Variants in INSL6 observed in about 807,000 individuals in gnomAD.
INSL6 encodes the protein insulin like 6.
In INSL6, 16 loss-of-function variants were observed where a neutral mutation model predicts 9.4. That is an observed-to-expected ratio of 1.70 (90% CI 1.15 to 2.59). INSL6 has a LOEUF of 2.59. Ranked by LOEUF, INSL6 falls within the 30% of genes most tolerant of loss-of-function variation. INSL6 has a pLI of 0.00. For synonymous variants in INSL6, 154 were observed against 96.9 expected, an observed-to-expected ratio of 1.59 and a Z score of -3.46; for missense variants, 391 against 257.3, an observed-to-expected ratio of 1.52 and a Z score of -3.56.
Position 5,185,502 on chromosome 9 carries a change from C to A in INSL6, c.101G>T (p.Gly34Val), listed in dbSNP as rs749377607. Residue 34 changes from glycine to valine, a missense_variant, in exon 1 of 2, where the codon GGC (glycine) becomes GTC (valine). Transcript: ENST00000381641. ...TTCTATTTCTTTCACCAAGTACCTG[C>A]CGCACAGCTTCCTGGCACTGCTGAT... ...SDISSARKLC[G>V]RYLVKEIEKL... The A allele has an allele frequency of 8.7e-6, 14 of 1,614,102 alleles. No individual in the cohort carries two copies. The highest frequency in any genetic ancestry group is 1.7e-5 in the Admixed American group (1 of 60,012).
At chr9:5,024,489 C>G in the INSL6 span, among the ~76,000 whole-genome samples, 2 of 152,002 alleles carry the variant, frequency 1.3e-5, no homozygotes, top group African/African-American at 4.8e-5. Context: ...CCTGCTTGTG[C>G]TGACTCTAAA....
At chr9:5,036,652 T>C in the INSL6 span, among the ~76,000 whole-genome samples, 1 of 152,228 alleles carries the variant, frequency 6.6e-6, no homozygotes, top group Non-Finnish European at 1.5e-5. Flanking sequence ...GAAAACTGGC[T>C]AGCCATGTGT....
At chr9:5,005,456 T>A in the INSL6 span, among the ~76,000 whole-genome samples, 2 of 152,200 alleles carry the variant, frequency 1.3e-5, no homozygotes, top group South Asian at 4.1e-4. Context: ...TACAAGTTTT[T>A]AAATCTGGTA....
At chr9:5,035,324 T>C in the INSL6 span, among the ~76,000 whole-genome samples, 48 of 152,294 alleles carry the variant, frequency 3.2e-4, 2 homozygotes, top group South Asian at 3.3e-3. Flanking sequence ...GCTGGTACCA[T>C]TCCTTCTGAA....
rs150727447 is a variant in INSL6 at position 5,144,988 on chromosome 9, G to C, written c.377-11396C>G. On this transcript the variant is annotated intron_variant, in intron 2 of 3. Transcript: ENST00000649639. ...TTTAAAGTTAGTATTGTTATGTGTG[G>C]ATTTGATCCTGTCATTATAATGCTG... is the stretch of plus-strand genomic sequence containing the variant. Among the ~76,000 whole-genome samples, 6 of 152,230 alleles carry C rather than the reference G, an allele frequency of 3.9e-5. No individual in the cohort carries two copies. The East Asian group carries it at 1.2e-3, about 29-fold the overall frequency.
At chr9:5,028,690 C>T in the INSL6 span, among the ~76,000 whole-genome samples, 1 of 152,212 alleles carries the variant, frequency 6.6e-6, no homozygotes, top group African/African-American at 2.4e-5. Context: ...TCTCCATCAA[C>T]ACTTGCTGCT....
chr9:5,065,880 A>T, the INSL6 span, among the ~76,000 whole-genome samples: 3 of 152,160 alleles, frequency 2.0e-5, no homozygotes, highest in East Asian at 5.8e-4. Context: ...GGGTAATATA[A>T]AGAGTTGATT....
chr9:5,044,986 C>G, the INSL6 span, among the ~76,000 whole-genome samples: 3 of 152,070 alleles, frequency 2.0e-5, no homozygotes, highest in South Asian at 6.2e-4. Context: ...AGGAAGGTGA[C>G]TGGATGTTGA....
the INSL6 span, chr9:5,086,151 C>G: frequency 3.9e-4 from 141 of 363,420 alleles, no homozygotes; most frequent in South Asian, 5.0e-3. Context: ...CCGCAAGGCT[C>G]GGGGAGCGGT....
chr9:5,021,908 C>T, the INSL6 span: 2 of 1,023,442 alleles, frequency 2.0e-6, no homozygotes, highest in Non-Finnish European at 1.5e-6. Flanking sequence ...GCTAGGATTA[C>T]AGGTGTGAGA....
the INSL6 span, among the ~76,000 whole-genome samples, chr9:5,071,677 G>A: frequency 6.6e-6 from 1 of 152,152 alleles, no homozygotes; most frequent in Non-Finnish European, 1.5e-5. Context: ...AAGGCAAAAT[G>A]AGAAAGACCC....
intron 1 of INSL6, among the ~76,000 whole-genome samples, chr9:5,175,616 C>T: frequency 6.6e-6 from 1 of 152,108 alleles, no homozygotes; most frequent in East Asian, 1.9e-4. Context: ...GCGAGCAAAG[C>T]TTCATCTATA....
At chr9:5,041,492 G>T in the INSL6 span, 1 of 586,800 alleles carries the variant, frequency 1.7e-6, no homozygotes, top group Middle Eastern at 3.1e-4. Context: ...GAGCGGTACA[G>T]AAGATCGGGG....
chr9:5,052,047 G>A, the INSL6 span, among the ~76,000 whole-genome samples: 1 of 152,096 alleles, frequency 6.6e-6, no homozygotes. Flanking sequence ...AACATAGTTG[G>A]AGGAAGAGTA....
the INSL6 span, chr9:5,111,728 G>A: frequency 4.6e-6 from 2 of 432,326 alleles, no homozygotes; most frequent in South Asian, 3.4e-5. Flanking sequence ...GCACGAGCGC[G>A]TGGGCTACCG....
At chr9:5,069,975 A>G in the INSL6 span, 1 of 1,608,144 alleles carries the variant, frequency 6.2e-7, no homozygotes, top group South Asian at 1.1e-5. Flanking sequence ...TGATGTACCA[A>G]CCTCACCAAC....
intron 1 of INSL6, among the ~76,000 whole-genome samples, chr9:5,168,930 T>A (rs1245939563): frequency 1.4e-5 from 2 of 142,418 alleles, no homozygotes; most frequent in Non-Finnish European, 3.0e-5. Flanking sequence ...TTATTTGATT[T>A]TTTTTTTTTT....
chr9:5,112,555 A>G, the INSL6 span: 1 of 615,850 alleles, frequency 1.6e-6, no homozygotes, highest in Non-Finnish European at 2.9e-6. Flanking sequence ...GGTGGCCAAT[A>G]ACGCCAGGGA....
chr9:5,074,629 C>A, the INSL6 span, among the ~76,000 whole-genome samples: 1 of 152,198 alleles, frequency 6.6e-6, no homozygotes, highest in African/African-American at 2.4e-5. Context: ...GTCTCTCTCC[C>A]TCTCCTGGGG....
Sources: allele counts gnomAD v4.1 joint callset (sites outside exome capture counted in the v4.1 genomes callset), GRCh38; gene constraint gnomAD v4.1.1; transcripts MANE v1.5; gene names NCBI Gene and HGNC (gene_info 2026-07-23, HGNC 2026-07-21).